The following B3GNT6 variants were observed in gnomAD, a reference collection of about 807,000 sequenced individuals.
The protein encoded by B3GNT6 is acetylgalactosaminyl-O-glycosyl-glycoprotein beta-1,3-N-acetylglucosaminyltransferase.
For missense variants in B3GNT6, 624 were observed against 568.6 expected (o/e 1.10, Z -0.99); for synonymous variants, 300 against 270.0 (o/e 1.11, Z -1.09).
At chr11:77,037,912 CA>C (rs1185628932) in intron 1 of B3GNT6, among the ~76,000 whole-genome samples, 2 of 93,644 alleles carry the variant, frequency 2.1e-5, no homozygotes, top group Non-Finnish European at 4.1e-5. Flanking sequence ...GACCCTGTCT[CA>C]AAAAAAAAGA....
At position 77,040,634 on chromosome 11, in the gene B3GNT6, C is replaced by G. The variant is rs1949679988; in HGVS notation, c.1083C>G (p.Tyr361Ter). 1 of 1,600,746 alleles carries G rather than the reference C, an allele frequency of 6.2e-7. No homozygotes were observed. Residue 361 changes from tyrosine to a stop codon, truncating the protein, a stop_gained, in exon 2 of 2, where the codon TAC (tyrosine) becomes TAG (stop). Coordinates refer to ENST00000622824, the MANE Select transcript of B3GNT6 (RefSeq NM_138706.5). LOFTEE classifies it low-confidence loss of function (END_TRUNC). ...TGCTAGTGCACCGCTTCGCGCCCTA[C>G]GAGATGCTGCTCATGTGGAAGGCGC... is the stretch of plus-strand genomic sequence containing the variant. ...ELLLVHRFAPYEMLLMWKALH... is the reference protein window; with the variant it reads ...ELLLVHRFAP
Position 77,040,018 on chromosome 11 carries a change from T to C in B3GNT6, c.467T>C (p.Leu156Pro). ...YGGRPVRRLFLLGTPGPEDEA... is the reference protein window; with the variant it reads ...YGGRPVRRLFPLGTPGPEDEA... ...GGGCGGCCAGTGCGCCGCCTCTTTC[T>C]ATTGGGCACCCCGGGCCCCGAGGAC... The change falls in exon 2 of 2, where the codon CTA becomes CCA. Residue 156 changes from leucine (L) to proline (P), a missense_variant. Physicochemically the swap from Leu to Pro is moderately conservative, Grantham distance 98 (BLOSUM62 -3). Coordinates refer to ENST00000622824, the MANE Select transcript of B3GNT6 (RefSeq NM_138706.5). 2 of 1,579,488 alleles carry C rather than the reference T, an allele frequency of 1.3e-6. No individual in the cohort carries two copies. The highest frequency in any genetic ancestry group is 1.7e-6 in the Non-Finnish European group (2 of 1,171,202).
Position 77,039,597 on chromosome 11 carries a change from T to G in B3GNT6, c.46T>G (p.Cys16Gly), listed in dbSNP as rs782027731. The change falls in exon 2 of 2, where the codon TGC becomes GGC. Residue 16 changes from cysteine to glycine, a missense_variant. Cys to Gly is a radical substitution (Grantham distance 159). Transcript: ENST00000622824. ...RRSLTAKTLA[C>G]LLVGVSFLAL... ...GTCCCTGACTGCCAAGACTCTGGCC[T>G]GCCTCCTGGTGGGCGTGAGTTTCTT... 2.5e-6 allele frequency: 4 copies of G among 1,607,926 alleles called. No individual in the cohort carries two copies. The South Asian group carries it at 4.4e-5, about 18-fold the overall frequency.
chr11:77,040,512 C>T lies in B3GNT6; in HGVS notation c.961C>T (p.Leu321=), dbSNP rs544232471. Reference sequence around the variant, plus strand: ...GGGCATGTGTCTGGAGCGCGCCGGCCTGGCGCCCAGCGGCCACGAGGGCAT... The same window carrying T: ...GGGCATGTGTCTGGAGCGCGCCGGCTTGGCGCCCAGCGGCCACGAGGGCAT... ...YMGMCLERAG[L]APSGHEGIRP... Residue 321 remains leucine (L), a synonymous_variant, in exon 2 of 2, where the codon CTG becomes TTG. Transcript: ENST00000622824. 2.3e-5 allele frequency: 35 copies of T among 1,551,582 alleles called. 1 individual carries two copies. The Admixed American group carries it at 3.8e-4, about 17-fold the overall frequency.
chr11:77,040,515 G>C lies in B3GNT6; in HGVS notation c.964G>C (p.Ala322Pro). ...MGMCLERAGL[A>P]PSGHEGIRPF... ...CATGTGTCTGGAGCGCGCCGGCCTG[G>C]CGCCCAGCGGCCACGAGGGCATCCG... The change falls in exon 2 of 2, where the codon GCG becomes CCG. Residue 322 changes from alanine (A) to proline (P), a missense_variant. By Grantham distance (27) the Ala-to-Pro change is conservative. Transcript: ENST00000622824. The C allele has an allele frequency of 6.4e-7, 1 of 1,552,756 alleles. No individual in the cohort carries two copies. The highest frequency in any genetic ancestry group is 8.7e-7 in the Non-Finnish European group (1 of 1,156,038).
chr11:77,038,053 A>G, intron 1 of B3GNT6, among the ~76,000 whole-genome samples: 1 of 758 alleles, frequency 1.3e-3, no homozygotes, highest in Non-Finnish European at 3.5e-3. Context: ...TGGGAGGGGA[A>G]TGAGTGGGAG....
rs1258113368 is a variant in B3GNT6, at chr11:77,040,466, C to T, written c.915C>T (p.Phe305=). The change falls in exon 2 of 2, where the codon TTC becomes TTT. Residue 305 remains phenylalanine (F), a synonymous_variant. Coordinates refer to ENST00000622824, the MANE Select transcript of B3GNT6 (RefSeq NM_138706.5). ...CGGCCGCCCGCCACACCCCGCTCTT[C>T]CCCATCGACGACGCCTACATGGGCA... ...LRAAARHTPL[F]PIDDAYMGMC... is the part of the protein sequence containing the mutation. 6.5e-7 allele frequency: 1 copy of T among 1,536,634 alleles called. No individual in the cohort carries two copies. Among genetic ancestry groups the T allele is most frequent in the Non-Finnish European group, 8.7e-7 (1 of 1,146,626 alleles).
chr11:77,040,217 CG>C lies in B3GNT6; in HGVS notation c.667del (p.Asp223ThrfsTer10), dbSNP rs782719005. 1.3e-6 allele frequency: 2 copies of C among 1,599,134 alleles called. No homozygotes were observed. Among genetic ancestry groups the C allele is most frequent in the South Asian group, 2.2e-5 (2 of 91,030 alleles). ...PHARFLLSGDDDVFVHTANVV... is the reference protein window; with the variant it reads ...PHARFLLSGDXDVFVHTANVV... Reference sequence around the variant, plus strand: ...ACGCGCGCTTTCTGCTCAGCGGCGACGACGACGTGTTCGTGCACACCGCCAA... The same window carrying C: ...ACGCGCGCTTTCTGCTCAGCGGCGACACGACGTGTTCGTGCACACCGCCAA... On this transcript the variant is annotated frameshift_variant, in exon 2 of 2. Coordinates refer to ENST00000622824, the MANE Select transcript of B3GNT6 (RefSeq NM_138706.5). LOFTEE classifies it low-confidence loss of function (END_TRUNC).
rs1555027369 is a variant in B3GNT6 at position 77,039,545 on chromosome 11, C to T, written c.1-7C>T. ...CCGGCTCACCTCTGACTCGGTTTCC[C>T]CCACAGATGGCTTTTCCCTGCCGCA... On this transcript the variant is annotated splice_polypyrimidine_tract_variant and splice_region_variant and intron_variant, in intron 1 of 1. Coordinates refer to ENST00000622824, the MANE Select transcript of B3GNT6 (RefSeq NM_138706.5). 6.4e-7 allele frequency: 1 copy of T among 1,566,188 alleles called. No homozygotes were observed. Among genetic ancestry groups the T allele is most frequent in the South Asian group, 1.2e-5 (1 of 83,260 alleles).
Position 77,040,275 on chromosome 11 carries a change from G to T in B3GNT6, c.724G>T (p.Gly242Cys). 1.9e-6 allele frequency: 3 copies of T among 1,595,492 alleles called. No individual in the cohort carries two copies. Among genetic ancestry groups the T allele is most frequent in the Non-Finnish European group, 8.5e-7 (1 of 1,178,292 alleles). Residue 242 changes from glycine to cysteine, a missense_variant, in exon 2 of 2, where the codon GGC (glycine) becomes TGC (cysteine). Coordinates refer to ENST00000622824, the MANE Select transcript of B3GNT6 (RefSeq NM_138706.5). ...VVRFLQAQPP[G>C]RHLFSGQLME... ...CCGCTTCCTGCAGGCGCAGCCACCC[G>T]GCCGCCACCTGTTCTCCGGCCAGCT...
Position 77,035,597 on chromosome 11 carries a change from G to A in B3GNT6, c.-1+1119G>A, listed in dbSNP as rs150102439. On this transcript the variant is annotated intron_variant, in intron 1 of 1. Transcript: ENST00000622824. The stretch of plus-strand genomic sequence containing the variant: ...AGGTGAGCTGGAGGAGGTGGTATTT[G>A]AGCTGTGTCCTGAGAGACAAGGGAT... 2.6e-4 allele frequency among the ~76,000 whole-genome samples: 40 copies of A among 152,378 alleles called. No homozygotes were observed. The Middle Eastern group carries it at 0.01, about 39-fold the overall frequency.
At position 77,039,820 on chromosome 11, in the gene B3GNT6, A is replaced by G. The variant is rs1420576057; in HGVS notation, c.269A>G (p.Gln90Arg). The change falls in exon 2 of 2, where the codon CAG (glutamine) becomes CGG (arginine). Residue 90 changes from glutamine to arginine, a missense_variant. By Grantham distance (43) the Gln-to-Arg change is conservative (BLOSUM62 1). Coordinates refer to ENST00000622824, the MANE Select transcript of B3GNT6 (RefSeq NM_138706.5). ...TTCGAGCAGCTGCCCGCGCGCATCCAGGACTTCCTGCGGTACCGCCACTGC... is the reference window on the plus strand; with the variant it reads ...TTCGAGCAGCTGCCCGCGCGCATCCGGGACTTCCTGCGGTACCGCCACTGC... ...ADFEQLPARI[Q>R]DFLRYRHCRH... 4 of 1,575,610 alleles carry G rather than the reference A, an allele frequency of 2.5e-6. No homozygotes were observed. The highest frequency in any genetic ancestry group is 1.4e-5 in the African/African-American group (1 of 74,048).
At chr11:77,036,785 C>A (rs2096737) in intron 1 of B3GNT6, among the ~76,000 whole-genome samples, 5 of 152,026 alleles carry the variant, frequency 3.3e-5, no homozygotes, top group Admixed American at 3.3e-4. Context: ...AACCTCCCAC[C>A]CTATGCAGGG....
At position 77,039,975 on chromosome 11, in the gene B3GNT6, C is replaced by T. The variant is rs1555027526; in HGVS notation, c.424C>T (p.Gln142Ter). Residue 142 changes from glutamine (Q) to a stop codon, truncating the protein, a stop_gained, in exon 2 of 2, where the codon CAA becomes TAA. Coordinates refer to ENST00000622824, the MANE Select transcript of B3GNT6 (RefSeq NM_138706.5). LOFTEE classifies it low-confidence loss of function (END_TRUNC). ...CGAGCTCATCCGGCGCACGTGGGGG[C>T]AAGAGCGCAGCTACGGCGGGCGGCC... ...RRELIRRTWGQERSYGGRPVR... is the reference protein window; with the variant it reads ...RRELIRRTWG The T allele has an allele frequency of 2.5e-6, 4 of 1,589,668 alleles. No individual in the cohort carries two copies. The highest frequency in any genetic ancestry group is 1.4e-5 in the African/African-American group (1 of 73,982).
chr11:77,040,686 CG>C lies in B3GNT6; in HGVS notation c.1139del (p.Gly380AspfsTer22). 2 of 1,582,914 alleles carry C rather than the reference CG, an allele frequency of 1.3e-6. No homozygotes were observed. On this transcript the variant is annotated frameshift_variant, in exon 2 of 2. Coordinates refer to ENST00000622824, the MANE Select transcript of B3GNT6 (RefSeq NM_138706.5). LOFTEE classifies it low-confidence loss of function (END_TRUNC). ...ALHSPALSCD[R>X]GHRVS ...GCACAGCCCCGCGCTCAGCTGTGAC[CG>C]GGGACACCGGGTCTCCTGAGGCCAG...
intron 1 of B3GNT6, 99 bp from the exon 2 acceptor site, chr11:77,039,452 CT>C (rs1949663905): frequency 6.7e-7 from 1 of 1,496,926 alleles, no homozygotes; most frequent in Non-Finnish European, 8.9e-7. Flanking sequence ...TGAGAAGGGG[CT>C]GGAGCTGGGT....
chr11:77,040,294 G>T lies in B3GNT6; in HGVS notation c.743G>T (p.Gly248Val), dbSNP rs782256480. The change falls in exon 2 of 2, where the codon GGC becomes GTC. Residue 248 changes from glycine (G) to valine (V), a missense_variant. Gly to Val is a moderately radical substitution (Grantham distance 109, BLOSUM62 -3). Coordinates refer to ENST00000622824, the MANE Select transcript of B3GNT6 (RefSeq NM_138706.5). ...AQPPGRHLFS[G>V]QLMEGSVPIR... ...CCACCCGGCCGCCACCTGTTCTCCG[G>T]CCAGCTCATGGAGGGCTCCGTGCCC... is the stretch of plus-strand genomic sequence containing the variant. The T allele has an allele frequency of 2.3e-5, 37 of 1,588,892 alleles. No individual in the cohort carries two copies. The highest frequency in any genetic ancestry group is 3.3e-4 in the Middle Eastern group (2 of 6,062).
At chr11:77,038,133 G>GGGGGAGGAGGA (rs1949652808) in intron 1 of B3GNT6, among the ~76,000 whole-genome samples, 1 of 91,798 alleles carries the variant, frequency 1.1e-5, no homozygotes, top group Non-Finnish European at 2.2e-5. Flanking sequence ...GGAGGGAGGA[G>GGGGGAGGAGGA]GGGGAGGAGG....
At chr11:77,038,415 AAAT>A (rs1377726768) in intron 1 of B3GNT6, among the ~76,000 whole-genome samples, 6 of 136,634 alleles carry the variant, frequency 4.4e-5, no homozygotes, top group African/African-American at 1.3e-4. Flanking sequence ...AAAAAAAAAA[AAAT>A]TTAATGACCC....
Sources: allele counts gnomAD v4.1 joint callset (sites outside exome capture counted in the v4.1 genomes callset), GRCh38; gene constraint gnomAD v4.1.1; transcripts MANE v1.5; gene names NCBI Gene and HGNC (gene_info 2026-07-23, HGNC 2026-07-21).